Variants in FAM107B observed in about 807,000 individuals in gnomAD.
The protein encoded by FAM107B is family with sequence similarity 107 member B, also known as protein FAM107B.
A neutral mutation model predicts 31.5 loss-of-function variants in FAM107B; 21 were observed. The ratio of observed to expected loss-of-function variants is 0.67; its 90% CI spans 0.47 to 0.96. FAM107B has a LOEUF of 0.96. Ranked by LOEUF, FAM107B falls within the 40% of genes least tolerant of loss-of-function variation. FAM107B has a pLI of 0.00. For missense variants in FAM107B, 452 were observed against 377.1 expected (o/e 1.20, Z -1.64); for synonymous variants, 157 against 141.5 (o/e 1.11, Z -0.78).
At chr10:14,602,485 A>G (rs1405126345) in intron 2 of FAM107B, 1 of 152,242 alleles carries the variant, frequency 6.6e-6, no homozygotes, top group Non-Finnish European at 1.5e-5. Context: ...TTATTTTAAA[A>G]GAACATACAC....
intron 3 of FAM107B, among the ~76,000 whole-genome samples, chr10:14,526,874 G>A (rs1846299649): frequency 6.8e-6 from 1 of 146,424 alleles, no homozygotes; most frequent in South Asian, 2.1e-4. Flanking sequence ...GTCTCGCTTT[G>A]TCACCCAGGC....
chr10:14,734,798 G>A (rs1204880327), intron 1 of FAM107B, among the ~76,000 whole-genome samples: 3 of 152,138 alleles, frequency 2.0e-5, no homozygotes, highest in Non-Finnish European at 2.9e-5. Context: ...AGGCTGGAGT[G>A]CAGTGGCGCG....
intron 2 of FAM107B, among the ~76,000 whole-genome samples, chr10:14,564,935 C>T (rs1173380340): frequency 6.6e-6 from 1 of 152,106 alleles, no homozygotes; most frequent in African/African-American, 2.4e-5. Flanking sequence ...AAAAATTGGG[C>T]TGGGCTGGGC....
chr10:14,754,615 C>T (rs548358142), intron 1 of FAM107B, among the ~76,000 whole-genome samples: 6 of 152,316 alleles, frequency 3.9e-5, no homozygotes, highest in South Asian at 4.1e-4. Flanking sequence ...GAGCTGACAT[C>T]GTGAAAAGCA....
chr10:14,597,857 G>A (rs7906902), intron 2 of FAM107B, among the ~76,000 whole-genome samples: 66,357 of 151,988 alleles, frequency 0.44, 15,722 homozygotes, highest in Non-Finnish European at 0.52. Flanking sequence ...GGCTGAGGCA[G>A]GAGAATCGCT....
rs57125501 is a variant in FAM107B, at chr10:14,767,083, GAGAGAGAGAGAGAGAGAC to G, written c.411+7152_411+7169del. 6.7e-4 allele frequency among the ~76,000 whole-genome samples: 71 copies of G among 106,430 alleles called. 2 individuals carry two copies. The highest frequency in any genetic ancestry group is 2.6e-3 in the African/African-American group (65 of 24,588). 69.8% of individuals were successfully genotyped at this position (106,430 alleles called of 152,430 possible). A position where few individuals can be genotyped will look rare whatever the true frequency, so the allele number is the denominator to read the frequency against. On this transcript the variant is annotated intron_variant, in intron 1 of 4. Coordinates refer to ENST00000181796, the MANE Select transcript of FAM107B (RefSeq NM_031453.4). Reference sequence around the variant, plus strand: ...AGAGAGAGAGAGAGAGAGAGAGAGAGAGAGAGAGAGAGAGAGACAGAGAGAGAGAGAGAGAGAGTTTCC... The same window carrying G: ...AGAGAGAGAGAGAGAGAGAGAGAGAGAGAGAGAGAGAGAGAGAGAGTTTCC...
At chr10:14,684,696 C>G (rs553521658) in intron 1 of FAM107B, among the ~76,000 whole-genome samples, 1 of 152,290 alleles carries the variant, frequency 6.6e-6, no homozygotes, top group East Asian at 1.9e-4. Flanking sequence ...AACTGAGACA[C>G]ACTTTTTTAT....
intron 2 of FAM107B, chr10:14,554,162 TTTTTC>T: frequency 1.0e-6 from 1 of 985,414 alleles, no homozygotes; most frequent in Non-Finnish European, 1.2e-6. Context: ...AGAAATGGGC[TTTTTC>T]TTTATCTCCT....
chr10:14,570,239 T>G (rs1022513415), intron 2 of FAM107B, among the ~76,000 whole-genome samples: 1 of 141,078 alleles, frequency 7.1e-6, no homozygotes, highest in African/African-American at 2.6e-5. Flanking sequence ...GGTGGGTGTG[T>G]GTGTGTGTGT....
At chr10:14,766,038 G>C (rs936626325) in intron 1 of FAM107B, among the ~76,000 whole-genome samples, 12 of 152,198 alleles carry the variant, frequency 7.9e-5, no homozygotes, top group Non-Finnish European at 1.8e-4. Context: ...GTACCCCCAA[G>C]TCTTGGCTTC....
intron 2 of FAM107B, among the ~76,000 whole-genome samples, chr10:14,573,576 CAAAA>C (rs774786735): frequency 7.4e-5 from 9 of 122,052 alleles, no homozygotes; most frequent in East Asian, 2.3e-4. Flanking sequence ...ATTAAAAATA[CAAAA>C]AAAAAAAAAA....
intron 1 of FAM107B, among the ~76,000 whole-genome samples, chr10:14,745,138 G>T (rs1030927128): frequency 2.0e-5 from 3 of 152,018 alleles, no homozygotes; most frequent in Admixed American, 1.3e-4. Context: ...ATTTCTGTGG[G>T]GTCAGTGGTG....
chr10:14,570,992 T>C (rs1476541035), intron 2 of FAM107B, among the ~76,000 whole-genome samples: 1 of 152,138 alleles, frequency 6.6e-6, no homozygotes, highest in Non-Finnish European at 1.5e-5. Flanking sequence ...CAAGCTGCCA[T>C]AGGCTGGGGG....
chr10:14,658,321 A>C (rs74639900), intron 2 of FAM107B, among the ~76,000 whole-genome samples: 1 of 152,344 alleles, frequency 6.6e-6, no homozygotes, highest in East Asian at 1.9e-4. Flanking sequence ...GTGACCCCAC[A>C]GACTGTCCTA....
At chr10:14,678,288 T>C (rs774974034) in intron 1 of FAM107B, among the ~76,000 whole-genome samples, 2 of 152,240 alleles carry the variant, frequency 1.3e-5, no homozygotes, top group African/African-American at 4.8e-5. Context: ...GGATACGTAT[T>C]ATGTTCCCTT....
intron 2 of FAM107B, among the ~76,000 whole-genome samples, chr10:14,641,654 C>T (rs938925894): frequency 3.9e-5 from 6 of 152,108 alleles, no homozygotes; most frequent in Admixed American, 3.9e-4. Context: ...CTTCTGAGGG[C>T]ACTATTCACA....
rs956220114 is a variant in FAM107B at position 14,590,580 on chromosome 10, G to A, written c.470-60065C>T. 4.6e-5 allele frequency among the ~76,000 whole-genome samples: 7 copies of A among 152,246 alleles called. No individual in the cohort carries two copies. In the South Asian group the frequency reaches 1.0e-3, roughly 23 times the overall value. ...TATGTAAATTAAATTCATTCGCTACGATCATGCTTCTTCCAAAGGAACTCT... is the reference window on the plus strand; with the variant it reads ...TATGTAAATTAAATTCATTCGCTACAATCATGCTTCTTCCAAAGGAACTCT... On this transcript the variant is annotated intron_variant, in intron 2 of 4. Transcript: ENST00000181796.
intron 3 of FAM107B, among the ~76,000 whole-genome samples, chr10:14,526,707 A>G (rs1355807937): frequency 1.3e-5 from 2 of 152,258 alleles, no homozygotes; most frequent in African/African-American, 4.8e-5. Context: ...AGGAACAAGA[A>G]GCCACTGACT....
At chr10:14,655,899 T>C (rs1411598647) in intron 2 of FAM107B, among the ~76,000 whole-genome samples, 1 of 152,060 alleles carries the variant, frequency 6.6e-6, no homozygotes, top group East Asian at 1.9e-4. Flanking sequence ...CCTCAGGGGC[T>C]TGAGGCAGGT....
Sources: gnomAD v4.1 joint callset for allele counts (sites outside exome capture counted in the v4.1 genomes callset) on GRCh38, gnomAD v4.1.1 for gene constraint, MANE v1.5 for transcripts, NCBI Gene and HGNC (gene_info 2026-07-23, HGNC 2026-07-21) for gene names.